PAWR: variants seen among roughly 807,000 people sequenced by gnomAD.
PAWR encodes PRKC apoptosis WT1 regulator protein.
PAWR carries 23 observed loss-of-function variants against 32.0 expected under a neutral mutation model. That is an observed-to-expected ratio of 0.72 (90% CI 0.52 to 1.02). The LOEUF (loss-of-function observed/expected upper bound fraction) is 1.02, where lower values mean the gene tolerates loss of function less well. PAWR is among the 50% of genes least tolerant of loss of function. The pLI is 0.00. For missense variants in PAWR, 457 were observed against 437.7 expected, an observed-to-expected ratio of 1.04 and a Z score of -0.39; for synonymous variants, 226 against 187.1, an observed-to-expected ratio of 1.21 and a Z score of -1.70.
intron 2 of PAWR, among the ~76,000 whole-genome samples, chr12:79,674,654 G>A (rs997774690): frequency 6.6e-6 from 1 of 151,950 alleles, no homozygotes; most frequent in Non-Finnish European, 1.5e-5. Context: ...TGCAAATTAT[G>A]CATCTGACAA....
At chr12:79,681,974 T>C (rs1294691576) in intron 2 of PAWR, among the ~76,000 whole-genome samples, 1 of 152,336 alleles carries the variant, frequency 6.6e-6, no homozygotes, top group Admixed American at 6.5e-5. Context: ...AGAAAATCAA[T>C]TGATACTTTA....
chr12:79,690,323 G>A lies in PAWR; in HGVS notation c.-79C>T, dbSNP rs1168497249. Reference sequence around the variant, plus strand: ...GCCGCTGCCTCCTCTTCCTTCCTGCGGCCCCGAGGATGCCAGGAGACGACC... The same window carrying A: ...GCCGCTGCCTCCTCTTCCTTCCTGCAGCCCCGAGGATGCCAGGAGACGACC... On this transcript the variant is annotated 5_prime_UTR_variant, in exon 2 of 7. Transcript: ENST00000328827. The A allele has an allele frequency of 1.0e-5, 14 of 1,361,682 alleles. No individual in the cohort carries two copies. Among genetic ancestry groups the A allele is most frequent in the East Asian group, 3.1e-5 (1 of 32,378 alleles). 84.3% of individuals were successfully genotyped at this position (1,361,682 alleles called of 1,614,324 possible). A position where few individuals can be genotyped will look rare whatever the true frequency, so the allele number is the denominator to read the frequency against.
In PAWR at chr12:79,588,559, T is replaced by C. The variant is rs1873453428; in HGVS notation, c.*4048A>G. On this transcript the variant is annotated 3_prime_UTR_variant, in exon 7 of 7. Coordinates refer to ENST00000328827, the MANE Select transcript of PAWR (RefSeq NM_002583.4). ...AATACTTAACACAAAGAAGTACTTT[T>C]GAGTAAACTATTCAGATTAGACAGG... The C allele has an allele frequency of 6.6e-6, 1 of 151,998 alleles. No individual in the cohort carries two copies. The highest frequency in any genetic ancestry group is 2.4e-5 in the African/African-American group (1 of 41,448). The allele number at this position is 151,998 out of a possible 1,614,324, so 9.4% of individuals were successfully genotyped here.
At chr12:79,660,534 T>C (rs1312174808) in intron 2 of PAWR, among the ~76,000 whole-genome samples, 1 of 151,032 alleles carries the variant, frequency 6.6e-6, no homozygotes. Flanking sequence ...TTCCCTAAAC[T>C]CCAGACGTGA....
chr12:79,606,253 AT>A (rs1025884754), intron 4 of PAWR, among the ~76,000 whole-genome samples: 15 of 152,188 alleles, frequency 9.9e-5, no homozygotes, highest in Admixed American at 2.0e-4. Context: ...GGGTAGAACA[AT>A]TTTGGAACTA....
At chr12:79,651,085 T>C (rs1876822401) in intron 2 of PAWR, among the ~76,000 whole-genome samples, 1 of 152,204 alleles carries the variant, frequency 6.6e-6, no homozygotes, top group African/African-American at 2.4e-5. Context: ...CATCCTATAG[T>C]AATAAATTTG....
At chr12:79,647,039 G>A (rs1253735163) in intron 2 of PAWR, among the ~76,000 whole-genome samples, 1 of 151,934 alleles carries the variant, frequency 6.6e-6, no homozygotes, top group East Asian at 1.9e-4. Context: ...GCTGGGTGTG[G>A]TGGCACACAC....
intron 2 of PAWR, among the ~76,000 whole-genome samples, chr12:79,633,848 T>G (rs1285142714): frequency 6.6e-6 from 1 of 152,174 alleles, no homozygotes; most frequent in East Asian, 1.9e-4. Flanking sequence ...ACATTGTCCT[T>G]CTGGTTTAAA....
chr12:79,639,844 CTATTCCT>C (rs1566014306), intron 2 of PAWR, among the ~76,000 whole-genome samples: 91 of 94,672 alleles, frequency 9.6e-4, no homozygotes, highest in Middle Eastern at 9.7e-3. Flanking sequence ...ATTCCTATTC[CTATTCCT>C]ATTCCTATTC....
intron 2 of PAWR, among the ~76,000 whole-genome samples, chr12:79,672,412 T>C (rs895743849): frequency 1.3e-5 from 2 of 152,064 alleles, no homozygotes; most frequent in Non-Finnish European, 2.9e-5. Context: ...CCTAGAACTT[T>C]TGTTTTGTTT....
chr12:79,666,557 C>G (rs573558174), intron 2 of PAWR, among the ~76,000 whole-genome samples: 5 of 152,132 alleles, frequency 3.3e-5, no homozygotes, highest in Non-Finnish European at 7.3e-5. Context: ...AAGTTTCCAA[C>G]GGTTACATGA....
intron 4 of PAWR, among the ~76,000 whole-genome samples, chr12:79,600,470 GC>G (rs1873914853): frequency 6.7e-6 from 1 of 148,542 alleles, no homozygotes; most frequent in Admixed American, 6.8e-5. Context: ...TAAATGCTTT[GC>G]TTTTTTGGGG....
intron 2 of PAWR, among the ~76,000 whole-genome samples, chr12:79,658,972 TAAAAAA>T (rs550704257): frequency 1.2e-5 from 1 of 86,650 alleles, no homozygotes; most frequent in African/African-American, 4.4e-5. Flanking sequence ...CTTAGCACAC[TAAAAAA>T]AAAAAAAAAA....
intron 2 of PAWR, among the ~76,000 whole-genome samples, chr12:79,658,599 T>C (rs1300814327): frequency 1.3e-5 from 2 of 152,172 alleles, no homozygotes; most frequent in Non-Finnish European, 2.9e-5. Flanking sequence ...AGATTTATGT[T>C]ATATAACACT....
intron 2 of PAWR, among the ~76,000 whole-genome samples, chr12:79,685,293 T>C (rs1878631953): frequency 6.6e-6 from 1 of 152,194 alleles, no homozygotes; most frequent in African/African-American, 2.4e-5. Flanking sequence ...CAACTCTGAG[T>C]CATTATTAGT....
In PAWR at chr12:79,613,580, A is replaced by G; in HGVS notation, c.678T>C (p.Tyr226=). 6.5e-7 allele frequency: 1 copy of G among 1,539,952 alleles called. No individual in the cohort carries two copies. Among genetic ancestry groups the G allele is most frequent in the Non-Finnish European group, 8.9e-7 (1 of 1,118,154 alleles). The change falls in exon 4 of 7, where the codon TAT becomes TAC. Residue 226 remains tyrosine, a synonymous_variant. Transcript: ENST00000328827. ...QEPPRTVSGR[Y]KSTTSVSEED... The stretch of plus-strand genomic sequence containing the variant: ...TAAGTCATAAGGATTCTTACCTTTT[A>G]TATCTGCCTGAAACTGTTCTAGGTG...
At chr12:79,653,153 C>T (rs1345256494) in intron 2 of PAWR, among the ~76,000 whole-genome samples, 1 of 151,804 alleles carries the variant, frequency 6.6e-6, no homozygotes, top group Non-Finnish European at 1.5e-5. Context: ...CAGCAATTCT[C>T]CTGCCTCAGC....
chr12:79,593,398 T>TC (rs1555233163), intron 6 of PAWR, among the ~76,000 whole-genome samples: 2 of 152,128 alleles, frequency 1.3e-5, no homozygotes, highest in Non-Finnish European at 2.9e-5. Context: ...AGCTCTTTTT[T>TC]CCCTGTATTA....
At chr12:79,640,827 G>A (rs1876286684) in intron 2 of PAWR, among the ~76,000 whole-genome samples, 1 of 152,158 alleles carries the variant, frequency 6.6e-6, no homozygotes, top group Non-Finnish European at 1.5e-5. Flanking sequence ...CTGATTAGTT[G>A]GGAACACAGG....
Sources: allele counts gnomAD v4.1 joint callset (sites outside exome capture counted in the v4.1 genomes callset), GRCh38; gene constraint gnomAD v4.1.1; transcripts MANE v1.5; gene names NCBI Gene and HGNC (gene_info 2026-07-23, HGNC 2026-07-21).